The following FYB2 variants were observed in gnomAD, a reference collection of about 807,000 sequenced individuals.
The protein encoded by FYB2 is FYN-binding protein 2.
A neutral mutation model predicts 94.1 loss-of-function variants in FYB2; 103 were observed. The observed-to-expected ratio is 1.09, with a 90% CI of 0.93 to 1.29. The LOEUF is 1.29. Ranked by LOEUF, FYB2 falls within the 50% of genes most tolerant of loss-of-function variation. The probability of loss-of-function intolerance (pLI) is 0.00; values close to 1 mark genes in which losing one functional copy is unlikely to be tolerated. For synonymous variants in FYB2, 293 were observed against 287.9 expected, an observed-to-expected ratio of 1.02 and a Z score of -0.18; for missense variants, 896 against 841.5, an observed-to-expected ratio of 1.06 and a Z score of -0.80.
intron 1 of FYB2, among the ~76,000 whole-genome samples, chr1:56,805,145 C>T (rs1015404433): frequency 6.6e-6 from 1 of 152,172 alleles, no homozygotes; most frequent in Non-Finnish European, 1.5e-5. Flanking sequence ...CTCTGTCTTT[C>T]CACTTATCTA....
rs762598750 is a variant in FYB2 at position 56,720,217 on chromosome 1, G to T, written c.2087C>A (p.Thr696Asn). 6.2e-7 allele frequency: 1 copy of T among 1,611,726 alleles called. No homozygotes were observed. The highest frequency in any genetic ancestry group is 1.7e-5 in the Admixed American group (1 of 59,760). The change falls in exon 18 of 20, where the codon ACC becomes AAC. Residue 696 changes from threonine to asparagine, a missense_variant. Physicochemically the swap from Thr to Asn is moderately conservative, Grantham distance 65 (BLOSUM62 0). Coordinates refer to ENST00000343433, the MANE Select transcript of FYB2 (RefSeq NM_001004303.5). ...SPGEELEVID[T>N]TEQNLVICRN... ...ACATATCACTAGATTTTGTTCGGTG[G>T]TATCAATGACTTCCAATTCTTCTCC...
chr1:56,763,399 G>T lies in FYB2; in HGVS notation c.1063+4430C>A, dbSNP rs999588122. Among the ~76,000 whole-genome samples, 30 of 152,218 alleles carry T rather than the reference G, an allele frequency of 2.0e-4. 1 individual carries two copies. Among genetic ancestry groups the T allele is most frequent in the Admixed American group, 1.7e-3 (26 of 15,292 alleles). The stretch of plus-strand genomic sequence containing the variant: ...CACCTGACTTAGAGTTCATTTTGGG[G>T]GAGTTTTTAAACTATGCATTCAGTT... On this transcript the variant is annotated intron_variant, in intron 5 of 19. Coordinates refer to ENST00000343433, the MANE Select transcript of FYB2 (RefSeq NM_001004303.5).
intron 15 of FYB2, among the ~76,000 whole-genome samples, chr1:56,730,946 T>C (rs568775850): frequency 2.0e-5 from 3 of 152,108 alleles, no homozygotes; most frequent in Non-Finnish European, 4.4e-5. Flanking sequence ...TGATGTAGTG[T>C]GATATATCCC....
chr1:56,724,004 T>G (rs1360785962), intron 16 of FYB2, among the ~76,000 whole-genome samples: 2 of 151,948 alleles, frequency 1.3e-5, no homozygotes, highest in African/African-American at 4.8e-5. Context: ...ATCACATTGG[T>G]TAAACAAATG....
intron 4 of FYB2, among the ~76,000 whole-genome samples, chr1:56,779,699 G>A (rs777583946): frequency 6.6e-5 from 10 of 152,096 alleles, no homozygotes; most frequent in Non-Finnish European, 1.2e-4. Context: ...CCATCACTCA[G>A]TCATTCGATA....
chr1:56,815,596 A>G (rs1646865449), intron 1 of FYB2, among the ~76,000 whole-genome samples: 1 of 152,172 alleles, frequency 6.6e-6, no homozygotes, highest in Admixed American at 6.5e-5. Flanking sequence ...AATGGGGCAC[A>G]CTGGATAAGT....
intron 4 of FYB2, among the ~76,000 whole-genome samples, chr1:56,783,471 A>G (rs892397881): frequency 1.3e-5 from 2 of 152,190 alleles, no homozygotes; most frequent in African/African-American, 4.8e-5. Context: ...GCTAGAACAC[A>G]AAGACTCCTG....
intron 1 of FYB2, among the ~76,000 whole-genome samples, chr1:56,810,580 A>G (rs1646745994): frequency 6.6e-6 from 1 of 152,218 alleles, no homozygotes; most frequent in African/African-American, 2.4e-5. Flanking sequence ...AGAGAATTTT[A>G]GCAAGATTTT....
At chr1:56,756,250 G>C (rs533602357) in intron 6 of FYB2, among the ~76,000 whole-genome samples, 3 of 152,274 alleles carry the variant, frequency 2.0e-5, no homozygotes, top group Non-Finnish European at 4.4e-5. Context: ...GAGAAAATAT[G>C]AATTTGTGGG....
chr1:56,817,806 C>G (rs960611421), intron 1 of FYB2, among the ~76,000 whole-genome samples: 1 of 152,136 alleles, frequency 6.6e-6, no homozygotes, highest in Non-Finnish European at 1.5e-5. Flanking sequence ...CAAACATGCT[C>G]TTTTGTACAT....
At chr1:56,759,813 T>C (rs1455864038) in intron 5 of FYB2, among the ~76,000 whole-genome samples, 1 of 152,138 alleles carries the variant, frequency 6.6e-6, no homozygotes, top group Non-Finnish European at 1.5e-5. Flanking sequence ...CCAGGTGTGG[T>C]GGCTCATGCC....
In FYB2 at chr1:56,740,810, A is replaced by C. The variant is rs754649404; in HGVS notation, c.1605-15T>G. 1.6e-4 allele frequency: 245 copies of C among 1,529,276 alleles called. 1 individual carries two copies. Among genetic ancestry groups the C allele is most frequent in the Non-Finnish European group, 1.7e-4 (186 of 1,113,452 alleles). 94.7% of individuals were successfully genotyped at this position (1,529,276 alleles called of 1,614,324 possible). On this transcript the variant is annotated splice_polypyrimidine_tract_variant and intron_variant, in intron 12 of 19. Transcript: ENST00000343433. Reference sequence around the variant, plus strand: ...TTCCATCTAAACTGAGAGGAATCACAGGATATAAGTAACATGGCATTTAAG... The same window carrying C: ...TTCCATCTAAACTGAGAGGAATCACCGGATATAAGTAACATGGCATTTAAG...
At chr1:56,808,448 T>G (rs1646694249) in intron 1 of FYB2, among the ~76,000 whole-genome samples, 1 of 152,208 alleles carries the variant, frequency 6.6e-6, no homozygotes, top group Non-Finnish European at 1.5e-5. Flanking sequence ...ATTCTTCTAA[T>G]CCACTCAGTA....
chr1:56,792,606 A>G lies in FYB2; in HGVS notation c.207T>C (p.Ser69=). 6.2e-7 allele frequency: 1 copy of G among 1,614,102 alleles called. No individual in the cohort carries two copies. The highest frequency in any genetic ancestry group is 8.5e-7 in the Non-Finnish European group (1 of 1,180,006). The change falls in exon 2 of 20, where the codon AGT becomes AGC. Residue 69 remains serine (S), a synonymous_variant. Transcript: ENST00000343433. ...TCTGAGGTTGAAGAGGCTGGGACTC[A>G]CTACTGGAACAGTATGGTGTGCGCT... The part of the protein sequence containing the change: ...HKQRTPYCSS[S]ESQPLQPQKI...
At chr1:56,762,242 G>A (rs867491196) in intron 5 of FYB2, among the ~76,000 whole-genome samples, 2 of 152,106 alleles carry the variant, frequency 1.3e-5, no homozygotes, top group Middle Eastern at 3.4e-3. Context: ...GGATAATCTT[G>A]TCTGTATCTG....
At chr1:56,817,133 C>A (rs1646901739) in intron 1 of FYB2, among the ~76,000 whole-genome samples, 1 of 152,144 alleles carries the variant, frequency 6.6e-6, no homozygotes, top group Non-Finnish European at 1.5e-5. Context: ...GCCCAGGTGG[C>A]TCTCCATTTC....
At position 56,751,054 on chromosome 1, in the gene FYB2, G is replaced by T. The variant is rs1309866084; in HGVS notation, c.1377C>A (p.Ser459=). 5.6e-6 allele frequency: 9 copies of T among 1,612,134 alleles called. No homozygotes were observed. The highest frequency in any genetic ancestry group is 6.8e-6 in the Non-Finnish European group (8 of 1,178,946). ...CPEGPKLARH[S]QGHCGHLEVL... ...AGAAATGCAACTTACAGTGGCCTTG[G>T]GAGTGCCTGGCCAGCTTTGGGCCCT... The change falls in exon 9 of 20, where the codon TCC becomes TCA. Residue 459 remains serine (S), a synonymous_variant. Transcript: ENST00000343433.
At chr1:56,796,074 A>G (rs1024815625) in intron 1 of FYB2, among the ~76,000 whole-genome samples, 1 of 152,212 alleles carries the variant, frequency 6.6e-6, no homozygotes, top group African/African-American at 2.4e-5. Flanking sequence ...AGATGATGCA[A>G]TAGTGACTGG....
chr1:56,817,014 C>A (rs1173147326), intron 1 of FYB2, among the ~76,000 whole-genome samples: 1 of 152,194 alleles, frequency 6.6e-6, no homozygotes, highest in Non-Finnish European at 1.5e-5. Context: ...AATCTCCTAC[C>A]TGGTCAGCCA....
Sources: allele counts gnomAD v4.1 joint callset (sites outside exome capture counted in the v4.1 genomes callset), GRCh38; gene constraint gnomAD v4.1.1; transcripts MANE v1.5; gene names NCBI Gene and HGNC (gene_info 2026-07-23, HGNC 2026-07-21).